Variants in KIF6 observed in about 807,000 individuals in gnomAD.
KIF6 encodes the protein kinesin family member 6, also known as kinesin-like protein KIF6.
In KIF6, 106 loss-of-function variants were observed where a neutral mutation model predicts 112.7. That is an observed-to-expected ratio of 0.94 (90% CI 0.80 to 1.11). The LOEUF is 1.11. KIF6 is among the 50% of genes least tolerant of loss of function. The probability of loss-of-function intolerance (pLI) is 0.00; values close to 1 mark genes in which losing one functional copy is unlikely to be tolerated. For missense variants in KIF6, 929 were observed against 964.0 expected, an observed-to-expected ratio of 0.96 and a Z score of 0.48; for synonymous variants, 339 against 339.9, an observed-to-expected ratio of 1.00 and a Z score of 0.03.
chr6:39,692,588 G>A (rs1788280919), intron 3 of KIF6, among the ~76,000 whole-genome samples: 1 of 152,086 alleles, frequency 6.6e-6, no homozygotes, highest in African/African-American at 2.4e-5. Context: ...GACAACATCA[G>A]GTAAGTTGCC....
chr6:39,630,867 G>A (rs1281105765), intron 5 of KIF6, among the ~76,000 whole-genome samples: 9 of 151,934 alleles, frequency 5.9e-5, no homozygotes. Flanking sequence ...TTTCCTGAGA[G>A]TATTTATCAT....
At chr6:39,481,543 T>G (rs1303921724) in intron 13 of KIF6, among the ~76,000 whole-genome samples, 1 of 152,166 alleles carries the variant, frequency 6.6e-6, no homozygotes, top group African/African-American at 2.4e-5. Flanking sequence ...CTCCAATTTC[T>G]CTTATAAATC....
chr6:39,568,661 C>T (rs1228900471), intron 10 of KIF6, among the ~76,000 whole-genome samples: 2 of 151,956 alleles, frequency 1.3e-5, no homozygotes, highest in Non-Finnish European at 2.9e-5. Context: ...AGTAATTCTC[C>T]TGCCTCAGCC....
intron 10 of KIF6, among the ~76,000 whole-genome samples, chr6:39,557,431 G>GA (rs554038620): frequency 2.2e-4 from 34 of 152,210 alleles, no homozygotes; most frequent in Admixed American, 7.2e-4. Context: ...AAATGACCAT[G>GA]AAATTGTTAA....
chr6:39,602,234 C>T lies in KIF6; in HGVS notation c.640-5974G>A, dbSNP rs148848382. On this transcript the variant is annotated intron_variant, in intron 6 of 22. Transcript: ENST00000287152. Reference sequence around the variant, plus strand: ...TATCTTCCATATATGTTTTCTTTTTCGGAAAATGGAGAATAGACTTTCTTT... The same window carrying T: ...TATCTTCCATATATGTTTTCTTTTTTGGAAAATGGAGAATAGACTTTCTTT... Among the ~76,000 whole-genome samples, 57 of 152,002 alleles carry T rather than the reference C, an allele frequency of 3.7e-4. 1 individual carries two copies. In the East Asian group the frequency reaches 6.4e-3, roughly 17 times the overall value.
intron 3 of KIF6, among the ~76,000 whole-genome samples, chr6:39,692,839 T>A (rs898036661): frequency 6.6e-6 from 1 of 152,198 alleles, no homozygotes; most frequent in Non-Finnish European, 1.5e-5. Context: ...TCCATATTTT[T>A]TTTTCATTAG....
In KIF6 at chr6:39,419,985, G is replaced by A. The variant is rs1397608331; in HGVS notation, c.1773C>T (p.Ala591=). Residue 591 remains alanine, a synonymous_variant, in exon 15 of 23, where the codon GCC becomes GCT. Coordinates refer to ENST00000287152, the MANE Select transcript of KIF6 (RefSeq NM_145027.6). ...TTGCTTCATTTATACTTTCTCCCAG[G>A]GCCTTGGCTTCAGAAAATCTGGAGG... is the stretch of plus-strand genomic sequence containing the variant. The part of the protein sequence containing the change: ...ILKQRFSEAK[A]LGESINEARS... 6 of 1,613,176 alleles carry A rather than the reference G, an allele frequency of 3.7e-6. No homozygotes were observed. The highest frequency in any genetic ancestry group is 5.1e-6 in the Non-Finnish European group (6 of 1,179,316).
intron 13 of KIF6, among the ~76,000 whole-genome samples, chr6:39,482,643 G>T (rs11964386): frequency 6.6e-6 from 1 of 152,144 alleles, no homozygotes; most frequent in Non-Finnish European, 1.5e-5. Flanking sequence ...TATTGGGCTC[G>T]TGATGTTACT....
intron 13 of KIF6, among the ~76,000 whole-genome samples, chr6:39,518,620 G>A (rs1777203851): frequency 3.3e-5 from 5 of 152,180 alleles, no homozygotes; most frequent in Admixed American, 2.6e-4. Context: ...TTCTACTGAA[G>A]AAAAAGGAAA....
In KIF6 at chr6:39,713,941, T is replaced by C. The variant is rs142060146; in HGVS notation, c.251+751A>G. ...GAAAACTGGGATCATTTAGCAGGTA[T>C]AATTTTCATTATTTAACTGTAAAGA... On this transcript the variant is annotated intron_variant, in intron 3 of 22. Coordinates refer to ENST00000287152, the MANE Select transcript of KIF6 (RefSeq NM_145027.6). 4.5e-3 allele frequency among the ~76,000 whole-genome samples: 681 copies of C among 152,326 alleles called. 6 individuals carry two copies. The highest frequency in any genetic ancestry group is 0.016 in the African/African-American group (664 of 41,582).
At chr6:39,572,681 TA>T (rs1561822971) in intron 10 of KIF6, among the ~76,000 whole-genome samples, 5 of 138,046 alleles carry the variant, frequency 3.6e-5, no homozygotes, top group Non-Finnish European at 3.1e-5. Context: ...TTTTTTTTTT[TA>T]CCAAAGAAAC....
chr6:39,350,792 G>T (rs1403051058), intron 19 of KIF6, among the ~76,000 whole-genome samples: 3 of 152,298 alleles, frequency 2.0e-5, no homozygotes, highest in Non-Finnish European at 1.5e-5. Context: ...TTCCTTTCCA[G>T]TCTCTGGCGG....
chr6:39,354,671 A>C (rs1764506491), intron 19 of KIF6, among the ~76,000 whole-genome samples: 1 of 152,184 alleles, frequency 6.6e-6, no homozygotes, highest in African/African-American at 2.4e-5. Context: ...TTGGGTAAGC[A>C]TTGGGAAAGC....
chr6:39,553,438 C>G (rs768503666), intron 10 of KIF6, among the ~76,000 whole-genome samples: 2 of 152,136 alleles, frequency 1.3e-5, no homozygotes, highest in Non-Finnish European at 2.9e-5. Flanking sequence ...TGCGAAAAAT[C>G]AAAATTAAAA....
intron 19 of KIF6, among the ~76,000 whole-genome samples, chr6:39,354,686 G>C (rs1764507829): frequency 6.6e-6 from 1 of 152,202 alleles, no homozygotes; most frequent in African/African-American, 2.4e-5. Flanking sequence ...GAAAGCCCTT[G>C]AGAGAGTGGC....
At chr6:39,357,135 G>A (rs755808539) in intron 19 of KIF6, 142 bp downstream of exon 19, 7 of 568,684 alleles carry the variant, frequency 1.2e-5, no homozygotes, top group Admixed American at 3.3e-5. Context: ...GAGTATCTAC[G>A]ACTAATTAAA....
rs545702219 is a variant in KIF6 at position 39,411,180 on chromosome 6, A to G, written c.1810+8768T>C. Among the ~76,000 whole-genome samples the G allele has an allele frequency of 2.0e-5, 3 of 152,320 alleles. No individual in the cohort carries two copies. The East Asian group carries it at 5.8e-4, about 29-fold the overall frequency. On this transcript the variant is annotated intron_variant, in intron 15 of 22. Coordinates refer to ENST00000287152, the MANE Select transcript of KIF6 (RefSeq NM_145027.6). Reference sequence around the variant, plus strand: ...ACCAAAGCCATGAGGAAGTGGGACTATGGTCAGCAGGGCCAGCCGGTTACA... The same window carrying G: ...ACCAAAGCCATGAGGAAGTGGGACTGTGGTCAGCAGGGCCAGCCGGTTACA...
chr6:39,471,577 C>T (rs775970226), intron 13 of KIF6, among the ~76,000 whole-genome samples: 9 of 152,204 alleles, frequency 5.9e-5, no homozygotes, highest in Non-Finnish European at 8.8e-5. Flanking sequence ...TGCAGGCTGT[C>T]TACCTAAAGG....
chr6:39,656,593 T>C (rs1561903147), intron 3 of KIF6, among the ~76,000 whole-genome samples: 2 of 152,230 alleles, frequency 1.3e-5, no homozygotes, highest in Non-Finnish European at 2.9e-5. Context: ...TTTCTCTAGC[T>C]GTTTAACCTG....
Sources: allele counts gnomAD v4.1 joint callset (sites outside exome capture counted in the v4.1 genomes callset), GRCh38; gene constraint gnomAD v4.1.1; transcripts MANE v1.5; gene names NCBI Gene and HGNC (gene_info 2026-07-23, HGNC 2026-07-21).